SHCBP1: variants seen among roughly 807,000 people sequenced by gnomAD.
The protein encoded by SHCBP1 is SHC SH2 domain-binding protein 1.
In SHCBP1, 60 loss-of-function variants were observed where a neutral mutation model predicts 75.1. The observed-to-expected ratio is 0.80, with a 90% CI of 0.65 to 0.99. SHCBP1 has a LOEUF of 0.99. Ranked by LOEUF, SHCBP1 falls within the 50% of genes least tolerant of loss-of-function variation. The pLI, the probability that SHCBP1 is intolerant of heterozygous loss-of-function variation, is 0.00. For synonymous variants in SHCBP1, 290 were observed against 293.2 expected, an observed-to-expected ratio of 0.99 and a Z score of 0.11; for missense variants, 709 against 809.4, an observed-to-expected ratio of 0.88 and a Z score of 1.50.
At chr16:46,593,819 C>A (rs1965089082) in intron 10 of SHCBP1, among the ~76,000 whole-genome samples, 1 of 151,876 alleles carries the variant, frequency 6.6e-6, no homozygotes, top group South Asian at 2.1e-4. Flanking sequence ...AGGCGTTAAT[C>A]CTTCCCAAAT....
intron 9 of SHCBP1, 27 bp downstream of exon 9, chr16:46,599,804 T>C: frequency 6.4e-7 from 1 of 1,567,904 alleles, no homozygotes; most frequent in Non-Finnish European, 8.6e-7. Context: ...TTAGAACAAA[T>C]GATATACCAA....
Position 46,608,368 on chromosome 16 carries a change from C to A in SHCBP1, c.618G>T (p.Trp206Cys). The change falls in exon 5 of 13, where the codon TGG (tryptophan) becomes TGT (cysteine). Residue 206 changes from tryptophan (W) to cysteine (C), a missense_variant. Transcript: ENST00000303383. ...CCTCCTCTTCTTCATCCCAACTCCT[C>A]CAAATGTTTTGGTAGAAAAATCTGA... ...EHVRFFYQNI[W>C]RSWDEEEEDE... 1 of 1,613,512 alleles carries A rather than the reference C, an allele frequency of 6.2e-7. No homozygotes were observed. Among genetic ancestry groups the A allele is most frequent in the Non-Finnish European group, 8.5e-7 (1 of 1,179,650 alleles).
chr16:46,619,025 C>T (rs1434723071), intron 1 of SHCBP1, among the ~76,000 whole-genome samples: 3 of 152,180 alleles, frequency 2.0e-5, no homozygotes, highest in African/African-American at 4.8e-5. Flanking sequence ...GTCTGTCAAT[C>T]GCCCCTCAAT....
At chr16:46,595,442 T>C in intron 10 of SHCBP1, 110 bp downstream of exon 10, 5 of 861,124 alleles carry the variant, frequency 5.8e-6, no homozygotes, top group Non-Finnish European at 9.8e-6. Flanking sequence ...TTGGTAGAGA[T>C]GACTGTCTGA....
intron 4 of SHCBP1, 27 bp downstream of exon 4, chr16:46,615,919 G>A: frequency 1.2e-6 from 2 of 1,610,736 alleles, no homozygotes; most frequent in Non-Finnish European, 1.7e-6. Context: ...TGGCCACAAG[G>A]TTATTTTTCT....
chr16:46,613,262 C>T (rs1337260716), intron 4 of SHCBP1, among the ~76,000 whole-genome samples: 1 of 152,156 alleles, frequency 6.6e-6, no homozygotes, highest in Non-Finnish European at 1.5e-5. Flanking sequence ...ACAGTTCGAG[C>T]CTGCATTGAA....
At chr16:46,592,129 T>A (rs1049521394) in intron 10 of SHCBP1, among the ~76,000 whole-genome samples, 1 of 150,942 alleles carries the variant, frequency 6.6e-6, no homozygotes, top group African/African-American at 2.4e-5. Flanking sequence ...AAAATTAAAA[T>A]TAAATCTAAA....
At chr16:46,600,645 T>C (rs983120331) in intron 8 of SHCBP1, among the ~76,000 whole-genome samples, 3 of 152,196 alleles carry the variant, frequency 2.0e-5, no homozygotes, top group Admixed American at 6.5e-5. Context: ...TCTTAAACAG[T>C]TGGCTTAAAA....
Position 46,616,185 on chromosome 16 carries a change from T to A in SHCBP1, c.388-31A>T. The A allele has an allele frequency of 6.3e-7, 1 of 1,598,360 alleles. No homozygotes were observed. The highest frequency in any genetic ancestry group is 8.5e-7 in the Non-Finnish European group (1 of 1,169,906). On this transcript the variant is annotated intron_variant, in intron 3 of 12. Transcript: ENST00000303383. The surrounding 1 kb of genome is among the most constrained non-coding windows in gnomAD (Gnocchi z 4.4). ...ATTTAAAATAATGTGACTTAACACA[T>A]GGAAATCAAAATGAAGATACACCTA...
chr16:46,594,085 A>C (rs1180935524), intron 10 of SHCBP1, among the ~76,000 whole-genome samples: 1 of 152,134 alleles, frequency 6.6e-6, no homozygotes, highest in Non-Finnish European at 1.5e-5. Context: ...CCTAAACCTC[A>C]CACCTTATAC....
rs1355211846 is a variant in SHCBP1, at chr16:46,616,957, A to G, written c.387+677T>C. ...CTGTAGTATGTGATGCCATTTTCTA[A>G]GGGAGCTGCAGCAACAACTTGTATT... On this transcript the variant is annotated intron_variant, in intron 3 of 12. Coordinates refer to ENST00000303383, the MANE Select transcript of SHCBP1 (RefSeq NM_024745.5). The surrounding 1 kb of genome is among the most constrained non-coding windows in gnomAD (Gnocchi z 4.4). Among the ~76,000 whole-genome samples, 1 of 152,202 alleles carries G rather than the reference A, an allele frequency of 6.6e-6. No homozygotes were observed. Among genetic ancestry groups the G allele is most frequent in the Non-Finnish European group, 1.5e-5 (1 of 68,036 alleles).
chr16:46,604,409 G>T lies in SHCBP1; in HGVS notation c.742C>A (p.His248Asn), dbSNP rs1379008591. Reference protein sequence around the residue: ...RVPSGLIVDYHNLLSQCEESY... With the variant: ...RVPSGLIVDYNNLLSQCEESY... Reference sequence around the variant, plus strand: ...TCCTCACATTGAGACAACAGATTGTGGTAGTCAACAATAAGTCCTGATGGA... The same window carrying T: ...TCCTCACATTGAGACAACAGATTGTTGTAGTCAACAATAAGTCCTGATGGA... Residue 248 changes from histidine to asparagine, a missense_variant, in exon 6 of 13, where the codon CAC (histidine) becomes AAC (asparagine). Coordinates refer to ENST00000303383, the MANE Select transcript of SHCBP1 (RefSeq NM_024745.5). The T allele has an allele frequency of 6.2e-7, 1 of 1,613,970 alleles. No homozygotes were observed. Among genetic ancestry groups the T allele is most frequent in the African/African-American group, 1.3e-5 (1 of 74,926 alleles).
At chr16:46,586,812 G>GA (rs552695604) in intron 10 of SHCBP1, among the ~76,000 whole-genome samples, 79 of 151,780 alleles carry the variant, frequency 5.2e-4, no homozygotes, top group Non-Finnish European at 9.6e-4. Flanking sequence ...AGGGCTAAAA[G>GA]AAAAAAAATT....
At chr16:46,609,525 C>G (rs1375176759) in intron 4 of SHCBP1, among the ~76,000 whole-genome samples, 3 of 135,898 alleles carry the variant, frequency 2.2e-5, no homozygotes, top group Non-Finnish European at 3.1e-5. Context: ...CATCTTGGCT[C>G]ACTGCAACCT....
chr16:46,603,300 C>G (rs1157146284), intron 8 of SHCBP1, among the ~76,000 whole-genome samples: 1 of 151,970 alleles, frequency 6.6e-6, no homozygotes, highest in Non-Finnish European at 1.5e-5. Flanking sequence ...GGTCTTTTTT[C>G]TATATGAGCC....
At chr16:46,612,209 T>C (rs1965426478) in intron 4 of SHCBP1, among the ~76,000 whole-genome samples, 1 of 152,216 alleles carries the variant, frequency 6.6e-6, no homozygotes, top group South Asian at 2.1e-4. Flanking sequence ...GTCAAGACGT[T>C]AAGCAAGATG....
intron 10 of SHCBP1, among the ~76,000 whole-genome samples, chr16:46,590,030 T>C (rs984133641): frequency 6.6e-6 from 1 of 152,100 alleles, no homozygotes; most frequent in Non-Finnish European, 1.5e-5. Context: ...TCTACAACCA[T>C]CTGATCTTTG....
intron 4 of SHCBP1, among the ~76,000 whole-genome samples, chr16:46,608,690 G>A (rs765091819): frequency 1.1e-4 from 16 of 141,574 alleles, no homozygotes; most frequent in Admixed American, 1.0e-3. Flanking sequence ...TGCAACCTCC[G>A]CCTCCTGGGT....
chr16:46,594,373 C>T lies in SHCBP1; in HGVS notation c.1464+1179G>A, dbSNP rs528296081. Among the ~76,000 whole-genome samples the T allele has an allele frequency of 2.6e-5, 4 of 152,234 alleles. No homozygotes were observed. The South Asian group carries it at 6.2e-4, about 24-fold the overall frequency. On this transcript the variant is annotated intron_variant, in intron 10 of 12. Transcript: ENST00000303383. ...ACAACGGACTAGTATCTAGAATATACAGAGAACTCTCAAACCTCTACAGTA... is the reference window on the plus strand; with the variant it reads ...ACAACGGACTAGTATCTAGAATATATAGAGAACTCTCAAACCTCTACAGTA...
Sources: allele counts gnomAD v4.1 joint callset (sites outside exome capture counted in the v4.1 genomes callset), GRCh38; gene constraint gnomAD v4.1.1; non-coding constraint Gnocchi (gnomAD v3.1); transcripts MANE v1.5; gene names NCBI Gene and HGNC (gene_info 2026-07-23, HGNC 2026-07-21).